The following DDAH1 variants were observed in gnomAD, a reference collection of about 807,000 sequenced individuals.
The protein encoded by DDAH1 is N(G),N(G)-dimethylarginine dimethylaminohydrolase 1.
A neutral mutation model predicts 28.8 loss-of-function variants in DDAH1; 19 were observed. That is an observed-to-expected ratio of 0.66 (90% CI 0.46 to 0.97). The LOEUF is 0.97. Among genes scored for constraint, DDAH1 ranks in the 50% least tolerant of loss-of-function variants. DDAH1 has a pLI of 0.00. For missense variants in DDAH1, 326 were observed against 375.9 expected (o/e 0.87, Z 1.10); for synonymous variants, 153 against 154.4 (o/e 0.99, Z 0.07).
rs755439633 is a variant in DDAH1, at chr1:85,464,354, G to A, written c.303+389C>T. ...GACTGGCGCTGCCCCCTGGAGGGAC[G>A]CCCAGCCTCCACCCGCCCTACCGGA... On this transcript the variant is annotated intron_variant, in intron 1 of 5. Transcript: ENST00000284031. The surrounding 1 kb of genome is among the most constrained non-coding windows in gnomAD (Gnocchi z 4.4). 248 of 653,560 alleles carry A rather than the reference G, an allele frequency of 3.8e-4. No homozygotes were observed. The highest frequency in any genetic ancestry group is 5.2e-4 in the Non-Finnish European group (220 of 420,618). The allele number at this position is 653,560 out of a possible 1,614,324, so 40.5% of individuals were successfully genotyped here. A position where few individuals can be genotyped will look rare whatever the true frequency, so the allele number is the denominator to read the frequency against.
chr1:85,510,645 A>G (rs1446951218), intron 1 of DDAH1, among the ~76,000 whole-genome samples: 2 of 152,198 alleles, frequency 1.3e-5, no homozygotes, highest in African/African-American at 4.8e-5. Context: ...AAATAAAGGG[A>G]TGGAGGAAGA....
At chr1:85,383,407 T>TGAG (rs1227093638) in intron 1 of DDAH1, among the ~76,000 whole-genome samples, 1 of 152,212 alleles carries the variant, frequency 6.6e-6, no homozygotes, top group Non-Finnish European at 1.5e-5. Context: ...CTTGAATGGA[T>TGAG]GAGGAGTTGC....
chr1:85,552,429 C>T (rs959769822), intron 1 of DDAH1, among the ~76,000 whole-genome samples: 11 of 152,228 alleles, frequency 7.2e-5, no homozygotes, highest in Admixed American at 1.3e-4. Flanking sequence ...TTCTACATTG[C>T]TGTGCCTTTG....
chr1:85,462,864 C>T (rs1655187604), intron 1 of DDAH1, among the ~76,000 whole-genome samples: 2 of 152,250 alleles, frequency 1.3e-5, no homozygotes, highest in South Asian at 4.1e-4. Flanking sequence ...ATGTCACTAA[C>T]TACATCAGTG....
intron 1 of DDAH1, among the ~76,000 whole-genome samples, chr1:85,516,075 A>G (rs1185131776): frequency 6.6e-6 from 1 of 151,694 alleles, no homozygotes; most frequent in African/African-American, 2.4e-5. Context: ...CAACAGTCAT[A>G]GTGAATTAGG....
chr1:85,464,876 T>G lies in DDAH1; in HGVS notation c.170A>C (p.Lys57Thr), dbSNP rs768121104. The G allele has an allele frequency of 1.3e-6, 2 of 1,583,248 alleles. No individual in the cohort carries two copies. The highest frequency in any genetic ancestry group is 1.7e-5 in the Admixed American group (1 of 58,444). Residue 57 changes from lysine to threonine, a missense_variant, in exon 1 of 6, where the codon AAG becomes ACG. Lys to Thr is a moderately conservative substitution (Grantham distance 78). Transcript: ENST00000284031. The surrounding 1 kb of genome is among the most constrained non-coding windows in gnomAD (Gnocchi z 4.4). The part of the protein sequence containing the change: ...HQLYVGVLGS[K>T]LGLQVVELPA... ...CAGCTCCACCACCTGCAGCCCCAGC[T>G]TGCTGCCCAGCACGCCCACGTAGAG...
intron 1 of DDAH1, among the ~76,000 whole-genome samples, chr1:85,560,076 T>C (rs180709701): frequency 6.6e-6 from 1 of 152,170 alleles, no homozygotes; most frequent in East Asian, 1.9e-4. Flanking sequence ...AGAAAAAGAC[T>C]AATTACCTAC....
chr1:85,346,176 CA>C (rs200889600), intron 4 of DDAH1, among the ~76,000 whole-genome samples: 4,523 of 152,258 alleles, frequency 0.03, 219 homozygotes, highest in African/African-American at 0.1. Context: ...AGAGCAGTGA[CA>C]GAGGTGAGAA....
intron 1 of DDAH1, among the ~76,000 whole-genome samples, chr1:85,405,527 G>A (rs1039157246): frequency 1.5e-4 from 23 of 152,064 alleles, no homozygotes; most frequent in Admixed American, 1.2e-3. Flanking sequence ...TTAAAAAGTC[G>A]TGGTCTGGAT....
chr1:85,487,322 G>A (rs149833762), intron 2 of DDAH1, among the ~76,000 whole-genome samples: 4 of 152,308 alleles, frequency 2.6e-5, no homozygotes, highest in African/African-American at 7.2e-5. Context: ...AGTAGCCAAC[G>A]CAGATCCAAG....
chr1:85,539,398 C>T (rs200519481), intron 1 of DDAH1, among the ~76,000 whole-genome samples: 13 of 152,220 alleles, frequency 8.5e-5, no homozygotes, highest in Non-Finnish European at 7.3e-5. Flanking sequence ...CCGCCTTTCT[C>T]GGCCTCCCAA....
At position 85,319,998 on chromosome 1, in the gene DDAH1, T is replaced by C. The variant is rs376783777; in HGVS notation, c.*1454A>G. 2.6e-5 allele frequency: 4 copies of C among 152,236 alleles called. No homozygotes were observed. Among genetic ancestry groups the C allele is most frequent in the Admixed American group, 2.0e-4 (3 of 15,292 alleles). 9.4% of individuals were successfully genotyped at this position (152,236 alleles called of 1,614,324 possible). A position where few individuals can be genotyped will look rare whatever the true frequency, so the allele number is the denominator to read the frequency against. ...TTGAAGTGATACTTCTTAATCTCTTTGATTCTTAATCTTAAACAACAAGCC... is the reference window on the plus strand; with the variant it reads ...TTGAAGTGATACTTCTTAATCTCTTCGATTCTTAATCTTAAACAACAAGCC... On this transcript the variant is annotated 3_prime_UTR_variant, in exon 6 of 6. Transcript: ENST00000284031.
chr1:85,365,849 A>G (rs1650047471), intron 1 of DDAH1, among the ~76,000 whole-genome samples: 1 of 152,198 alleles, frequency 6.6e-6, no homozygotes, highest in Admixed American at 6.5e-5. Flanking sequence ...ACATAGCACA[A>G]GTAAAGAAAT....
intron 4 of DDAH1, among the ~76,000 whole-genome samples, chr1:85,328,927 TA>T (rs1381797938): frequency 6.6e-6 from 1 of 152,244 alleles, no homozygotes; most frequent in Admixed American, 6.5e-5. Context: ...CTTTCCATTT[TA>T]ATTTGTGATC....
chr1:85,333,371 CTG>C (rs1369875520), intron 4 of DDAH1, among the ~76,000 whole-genome samples: 14 of 152,152 alleles, frequency 9.2e-5, no homozygotes, highest in Non-Finnish European at 2.9e-5. Context: ...GAGGAAGTGA[CTG>C]TTACACCAGA....
intron 1 of DDAH1, among the ~76,000 whole-genome samples, chr1:85,364,791 G>A (rs566026581): frequency 2.0e-5 from 3 of 152,200 alleles, no homozygotes; most frequent in African/African-American, 7.2e-5. Context: ...TGTTCCGCCT[G>A]TCTCAGCCTC....
rs115528306 is a variant in DDAH1, at chr1:85,548,224, G to A, written c.-123+29760C>T. Among the ~76,000 whole-genome samples, 603 of 152,200 alleles carry A rather than the reference G, an allele frequency of 4.0e-3. 5 individuals are homozygous for A. The highest frequency in any genetic ancestry group is 0.014 in the African/African-American group (585 of 41,538). ...TTTTAATCAAGCAATAAAAACAGTG[G>A]CTAACATTATTGAACATTTACAGAG... On this transcript the variant is annotated intron_variant, in intron 1 of 6. Transcript: ENST00000426972.
At chr1:85,413,319 G>A (rs1476106605) in intron 1 of DDAH1, among the ~76,000 whole-genome samples, 5 of 152,190 alleles carry the variant, frequency 3.3e-5, no homozygotes, top group Admixed American at 3.3e-4. Flanking sequence ...ACACTGAAGA[G>A]CCAAAGCTAA....
intron 1 of DDAH1, among the ~76,000 whole-genome samples, chr1:85,361,285 T>A (rs972768987): frequency 2.6e-5 from 4 of 151,934 alleles, no homozygotes; most frequent in African/African-American, 9.7e-5. Context: ...GAAGTGGGAG[T>A]TTTTGCAGGA....
Sources: allele counts gnomAD v4.1 joint callset (sites outside exome capture counted in the v4.1 genomes callset), GRCh38; gene constraint gnomAD v4.1.1; non-coding constraint Gnocchi (gnomAD v3.1); transcripts MANE v1.5; gene names NCBI Gene and HGNC (gene_info 2026-07-23, HGNC 2026-07-21).